The following SVIL variants were observed in gnomAD, a reference collection of about 807,000 sequenced individuals.
SVIL encodes supervillin, also known as archvillin.
Under a neutral mutation model 240.4 loss-of-function variants are expected in SVIL, and 101 were observed. The observed-to-expected ratio is 0.42, with a 90% CI of 0.36 to 0.50. The LOEUF is 0.50. Ranked by LOEUF, SVIL falls within the 20% of genes least tolerant of loss-of-function variation. The probability of loss-of-function intolerance (pLI) is 0.01; values close to 1 mark genes in which losing one functional copy is unlikely to be tolerated. For missense variants in SVIL, 2,512 were observed against 2,818.7 expected (o/e 0.89, Z 2.46); for synonymous variants, 999 against 1,100.0 (o/e 0.91, Z 1.82).
chr10:29,546,156 A>AATAATCC lies in SVIL; in HGVS notation c.827+4434_827+4440dup, dbSNP rs1952667582. Among the ~76,000 whole-genome samples the AATAATCC allele has an allele frequency of 6.6e-5, 10 of 152,228 alleles. No homozygotes were observed. The South Asian group carries it at 2.1e-3, about 32-fold the overall frequency. ...TCAAGCTCAGGTGTTTAAAAATCTG[A>AATAATCC]ATAATCCATAGGACCTAAATCCCTT... On this transcript the variant is annotated intron_variant, in intron 6 of 37. Coordinates refer to ENST00000355867, the MANE Select transcript of SVIL (RefSeq NM_021738.3).
In SVIL at chr10:29,562,650, A is replaced by C. The variant is rs555072147; in HGVS notation, c.-51+551T>G. Among the ~76,000 whole-genome samples the C allele has an allele frequency of 3.6e-4, 55 of 151,764 alleles. 1 individual carries two copies. The South Asian group carries it at 0.011, about 32-fold the overall frequency. On this transcript the variant is annotated intron_variant, in intron 3 of 37. Coordinates refer to ENST00000355867, the MANE Select transcript of SVIL (RefSeq NM_021738.3). ...GTGGTGGGCGCCTGTAGTCCCAGCT[A>C]TTCGGGAGGCTGAGGAAGGAGAATC...
intron 1 of SVIL, among the ~76,000 whole-genome samples, chr10:29,618,029 C>T (rs900398125): frequency 2.0e-5 from 3 of 152,174 alleles, no homozygotes; most frequent in Non-Finnish European, 2.9e-5. Context: ...AGTGATGGGA[C>T]GTGCACAGAG....
intron 2 of SVIL, among the ~76,000 whole-genome samples, chr10:29,684,178 C>A (rs891065030): frequency 6.6e-6 from 1 of 152,164 alleles, no homozygotes; most frequent in African/African-American, 2.4e-5. Context: ...CAGGGAGGCT[C>A]TTCTGCAGCA....
At chr10:29,676,354 C>T (rs1321026790) in intron 2 of SVIL, among the ~76,000 whole-genome samples, 2 of 149,228 alleles carry the variant, frequency 1.3e-5, no homozygotes, top group African/African-American at 5.0e-5. Flanking sequence ...ATTCATTCTT[C>T]TGTTTTTAAG....
At chr10:29,490,523 G>A (rs1387796213) in intron 22 of SVIL, among the ~76,000 whole-genome samples, 1 of 151,270 alleles carries the variant, frequency 6.6e-6, no homozygotes, top group Non-Finnish European at 1.5e-5. Flanking sequence ...CAAGGTGGGA[G>A]GATTGTTTGA....
At chr10:29,719,326 TCC>T (rs1467031817) in intron 1 of SVIL, among the ~76,000 whole-genome samples, 6 of 152,170 alleles carry the variant, frequency 3.9e-5, no homozygotes, top group Non-Finnish European at 8.8e-5. Flanking sequence ...GAAATAATTA[TCC>T]CTGTCTAATT....
At chr10:29,681,791 A>G (rs1960674068) in intron 2 of SVIL, among the ~76,000 whole-genome samples, 1 of 152,196 alleles carries the variant, frequency 6.6e-6, no homozygotes, top group African/African-American at 2.4e-5. Flanking sequence ...CACACTAGGC[A>G]CATTGCAATA....
chr10:29,729,696 T>C (rs1381328568), intron 1 of SVIL, among the ~76,000 whole-genome samples: 1 of 94,536 alleles, frequency 1.1e-5, no homozygotes, highest in African/African-American at 5.0e-5. Flanking sequence ...TAGCTGGGTG[T>C]GGTGGCACGC....
chr10:29,558,281 C>T (rs139040567), intron 3 of SVIL, among the ~76,000 whole-genome samples: 138 of 152,280 alleles, frequency 9.1e-4, no homozygotes, highest in African/African-American at 3.3e-3. Context: ...ACCTTAGGGT[C>T]CTCTCTGATC....
chr10:29,478,338 G>A (rs531421979), intron 29 of SVIL, among the ~76,000 whole-genome samples: 5 of 152,318 alleles, frequency 3.3e-5, no homozygotes, highest in South Asian at 2.1e-4. Flanking sequence ...CAGTAATTAC[G>A]CTGTTCCTGC....
intron 18 of SVIL, among the ~76,000 whole-genome samples, chr10:29,495,404 A>G (rs4018664): frequency 0.26 from 39,982 of 151,200 alleles, 6,782 homozygotes; most frequent in African/African-American, 0.48. Context: ...AGTGGCTGAC[A>G]AGCCGATATT....
chr10:29,481,742 G>A lies in SVIL; in HGVS notation c.4956-14C>T, dbSNP rs572331548. Reference sequence around the variant, plus strand: ...CCCTGTCCTTTTCTGTAGGGTGGGAGGGGGGTTGGGAGAACAGACAGGAAA... The same window carrying A: ...CCCTGTCCTTTTCTGTAGGGTGGGAAGGGGGTTGGGAGAACAGACAGGAAA... On this transcript the variant is annotated splice_polypyrimidine_tract_variant and intron_variant, in intron 27 of 37. Coordinates refer to ENST00000355867, the MANE Select transcript of SVIL (RefSeq NM_021738.3). The A allele has an allele frequency of 5.7e-5, 91 of 1,610,288 alleles. No homozygotes were observed. Among genetic ancestry groups the A allele is most frequent in the East Asian group, 2.2e-4 (10 of 44,836 alleles).
intron 6 of SVIL, among the ~76,000 whole-genome samples, chr10:29,545,280 G>A (rs1952553071): frequency 6.6e-6 from 1 of 152,286 alleles, no homozygotes; most frequent in South Asian, 2.1e-4. Flanking sequence ...ACCGTGTCAA[G>A]TTGTTACAGA....
chr10:29,517,579 A>C (rs1393347089), intron 16 of SVIL, among the ~76,000 whole-genome samples: 1 of 152,194 alleles, frequency 6.6e-6, no homozygotes, highest in African/African-American at 2.4e-5. Context: ...GGAGACAGGG[A>C]GACAGCCTCT....
chr10:29,490,769 A>T (rs1445245796), intron 22 of SVIL, 78 bp downstream of exon 22: 1 of 1,572,564 alleles, frequency 6.4e-7, no homozygotes, highest in African/African-American at 1.4e-5. Flanking sequence ...TTCACAAGGC[A>T]GAAAACCAAG....
At chr10:29,693,276 A>T (rs1961654999) in intron 1 of SVIL, among the ~76,000 whole-genome samples, 1 of 147,806 alleles carries the variant, frequency 6.8e-6, no homozygotes, top group Non-Finnish European at 1.5e-5. Flanking sequence ...CAAGCATGAC[A>T]CTATAGGACC....
chr10:29,569,517 C>A (rs1241462193), intron 1 of SVIL, among the ~76,000 whole-genome samples: 1 of 152,198 alleles, frequency 6.6e-6, no homozygotes, highest in Non-Finnish European at 1.5e-5. Context: ...TTGCTTTTCT[C>A]TTCCGGAAAG....
intron 2 of SVIL, among the ~76,000 whole-genome samples, chr10:29,675,529 A>C (rs114763370): frequency 1.3e-5 from 2 of 152,144 alleles, no homozygotes; most frequent in African/African-American, 4.8e-5. Context: ...AGCCCTCTCC[A>C]GGCTAGGATG....
intron 2 of SVIL, among the ~76,000 whole-genome samples, chr10:29,670,796 T>C (rs552306470): frequency 6.6e-6 from 1 of 152,322 alleles, no homozygotes; most frequent in South Asian, 2.1e-4. Flanking sequence ...GCCTCCATAT[T>C]ATAAGATTTT....
Sources: allele counts gnomAD v4.1 joint callset (sites outside exome capture counted in the v4.1 genomes callset), GRCh38; gene constraint gnomAD v4.1.1; transcripts MANE v1.5; gene names NCBI Gene and HGNC (gene_info 2026-07-23, HGNC 2026-07-21).